The following VPS41 variants were observed in gnomAD, a reference collection of about 807,000 sequenced individuals.
VPS41 encodes vacuolar protein sorting-associated protein 41 homolog.
In VPS41, 85 loss-of-function variants were observed where a neutral mutation model predicts 130.9. That is an observed-to-expected ratio of 0.65 (90% CI 0.55 to 0.78). VPS41 has a LOEUF of 0.78. VPS41 is among the 30% of genes least tolerant of loss of function. The probability of loss-of-function intolerance (pLI) is 0.00; values close to 1 mark genes in which losing one functional copy is unlikely to be tolerated. For missense variants in VPS41, 874 were observed against 1,018.7 expected, an observed-to-expected ratio of 0.86 and a Z score of 1.93; for synonymous variants, 335 against 332.9, an observed-to-expected ratio of 1.01 and a Z score of -0.07.
At chr7:38,801,407 C>T (rs1784722848) in intron 7 of VPS41, among the ~76,000 whole-genome samples, 5 of 152,122 alleles carry the variant, frequency 3.3e-5, no homozygotes, top group Admixed American at 2.6e-4. Flanking sequence ...ACAGGATTCA[C>T]GTTATTTTCT....
chr7:38,872,427 G>A (rs552169553), intron 2 of VPS41, among the ~76,000 whole-genome samples: 1 of 152,290 alleles, frequency 6.6e-6, no homozygotes, highest in Admixed American at 6.5e-5. Context: ...ATGAATAATA[G>A]GAGGTAAGGA....
At chr7:38,775,412 C>A (rs1002943736) in intron 11 of VPS41, 3 of 152,134 alleles carry the variant, frequency 2.0e-5, no homozygotes, top group African/African-American at 7.2e-5. Context: ...CTTTTATTAA[C>A]AAAGGTTTCC....
intron 7 of VPS41, among the ~76,000 whole-genome samples, chr7:38,807,820 A>T (rs1273121528): frequency 1.3e-5 from 2 of 152,242 alleles, no homozygotes; most frequent in Non-Finnish European, 2.9e-5. Context: ...GCTGATGTTA[A>T]ATCCCACAAG....
chr7:38,848,458 G>A (rs1584425912), intron 4 of VPS41, among the ~76,000 whole-genome samples: 2 of 151,710 alleles, frequency 1.3e-5, no homozygotes, highest in East Asian at 3.9e-4. Context: ...ATATACAATT[G>A]AACATTATTA....
chr7:38,790,858 A>G (rs1181724343), intron 9 of VPS41, among the ~76,000 whole-genome samples: 1 of 152,232 alleles, frequency 6.6e-6, no homozygotes, highest in Non-Finnish European at 1.5e-5. Context: ...TATCTATTGT[A>G]AGCAATAGTG....
At chr7:38,773,031 C>A (rs1472432323) in intron 12 of VPS41, among the ~76,000 whole-genome samples, 1 of 152,074 alleles carries the variant, frequency 6.6e-6, no homozygotes, top group Non-Finnish European at 1.5e-5. Context: ...TATTAGAATT[C>A]ATCTACTGTA....
chr7:38,749,858 C>A (rs1796058096), intron 22 of VPS41, among the ~76,000 whole-genome samples: 1 of 152,078 alleles, frequency 6.6e-6, no homozygotes, highest in South Asian at 2.1e-4. Context: ...AGAATTCTTT[C>A]TTATTATTCT....
chr7:38,776,834 C>G, intron 10 of VPS41, 58 bp from the exon 11 acceptor site: 1 of 960,434 alleles, frequency 1.0e-6, no homozygotes, highest in Non-Finnish European at 1.7e-6. Flanking sequence ...CAGCACACAT[C>G]TGGAGGAACA....
intron 2 of VPS41, among the ~76,000 whole-genome samples, chr7:38,888,111 A>C (rs1786775090): frequency 6.6e-6 from 1 of 152,154 alleles, no homozygotes; most frequent in South Asian, 2.1e-4. Context: ...CTATGAAAAA[A>C]CTGTATCAAT....
intron 4 of VPS41, among the ~76,000 whole-genome samples, chr7:38,861,175 G>C (rs1008514444): frequency 6.6e-6 from 1 of 152,156 alleles, no homozygotes; most frequent in East Asian, 1.9e-4. Flanking sequence ...TTTGGCAATG[G>C]AACCAATGGT....
chr7:38,783,878 G>A (rs530667408), intron 10 of VPS41, among the ~76,000 whole-genome samples: 2 of 152,228 alleles, frequency 1.3e-5, no homozygotes, highest in South Asian at 4.1e-4. Context: ...TCAAACCTAT[G>A]AGACAACATT....
intron 1 of VPS41, among the ~76,000 whole-genome samples, chr7:38,902,923 T>C (rs1017109160): frequency 6.6e-6 from 1 of 152,210 alleles, no homozygotes; most frequent in Non-Finnish European, 1.5e-5. Context: ...TCATTTTAAA[T>C]ATGCTGTGGA....
intron 19 of VPS41, 119 bp downstream of exon 19, chr7:38,756,719 T>C (rs576271451): frequency 1.4e-5 from 10 of 731,936 alleles, no homozygotes; most frequent in East Asian, 1.1e-4. Flanking sequence ...CTAAAGATTG[T>C]CGGCATAAAG....
intron 2 of VPS41, among the ~76,000 whole-genome samples, chr7:38,888,000 G>A (rs1339646853): frequency 1.3e-5 from 2 of 152,156 alleles, no homozygotes; most frequent in Non-Finnish European, 2.9e-5. Flanking sequence ...ATCACCATCA[G>A]GCCTGCATTA....
intron 4 of VPS41, among the ~76,000 whole-genome samples, chr7:38,831,682 C>T (rs541142386): frequency 1.3e-5 from 2 of 152,338 alleles, no homozygotes; most frequent in African/African-American, 2.4e-5. Context: ...TTTGCAAAGA[C>T]CTGGCATACA....
intron 1 of VPS41, among the ~76,000 whole-genome samples, chr7:38,901,888 C>CT (rs914082267): frequency 2.0e-5 from 3 of 151,984 alleles, no homozygotes; most frequent in Non-Finnish European, 2.9e-5. Flanking sequence ...ATGTTTTCAA[C>CT]TTTTTTAATG....
intron 5 of VPS41, among the ~76,000 whole-genome samples, chr7:38,824,456 G>A (rs560848952): frequency 1.3e-5 from 2 of 152,284 alleles, no homozygotes; most frequent in East Asian, 3.9e-4. Flanking sequence ...ATACCATTAT[G>A]CCTGTTGAAC....
At chr7:38,782,282 T>C (rs910489658) in intron 10 of VPS41, among the ~76,000 whole-genome samples, 6 of 152,208 alleles carry the variant, frequency 3.9e-5, no homozygotes, top group African/African-American at 1.4e-4. Flanking sequence ...AGCAGCCTCT[T>C]GGCCTTTCCA....
At chr7:38,907,938 G>C (rs1486635841) in intron 1 of VPS41, among the ~76,000 whole-genome samples, 2 of 152,130 alleles carry the variant, frequency 1.3e-5, no homozygotes, top group African/African-American at 4.8e-5. Flanking sequence ...CCTTTGAACT[G>C]CTAGAATGGA....
Sources: gnomAD v4.1 joint callset for allele counts (sites outside exome capture counted in the v4.1 genomes callset) on GRCh38, gnomAD v4.1.1 for gene constraint, MANE v1.5 for transcripts, NCBI Gene and HGNC (gene_info 2026-07-23, HGNC 2026-07-21) for gene names.